LDLRAD3: variants seen among roughly 807,000 people sequenced by gnomAD.
LDLRAD3 encodes the protein low-density lipoprotein receptor class A domain-containing protein 3.
In LDLRAD3, 20 loss-of-function variants were observed where a neutral mutation model predicts 29.4. The ratio of observed to expected loss-of-function variants is 0.68; its 90% CI spans 0.48 to 0.99. The LOEUF (loss-of-function observed/expected upper bound fraction) is 0.99, where lower values mean the gene tolerates loss of function less well. LDLRAD3 is among the 50% of genes least tolerant of loss of function. The pLI, the probability that LDLRAD3 is intolerant of heterozygous loss-of-function variation, is 0.00. For synonymous variants in LDLRAD3, 157 were observed against 192.7 expected (o/e 0.81, Z 1.53); for missense variants, 420 against 454.3 (o/e 0.92, Z 0.69).
At position 36,173,282 on chromosome 11, in the gene LDLRAD3, AC is replaced by A. The variant is rs555455292; in HGVS notation, c.455-53800del. ...TACATGTGCCATGTTGGTGTGCTGC[AC>A]CCATTAACTCGTCATTTACATTAGG... On this transcript the variant is annotated intron_variant, in intron 4 of 5. Transcript: ENST00000315571. Among the ~76,000 whole-genome samples, 385 of 151,098 alleles carry A rather than the reference AC, an allele frequency of 2.5e-3. 2 individuals are homozygous for A. The highest frequency in any genetic ancestry group is 3.7e-3 in the Non-Finnish European group (252 of 67,752).
At chr11:36,189,928 A>G (rs551493582) in intron 4 of LDLRAD3, among the ~76,000 whole-genome samples, 257 of 152,268 alleles carry the variant, frequency 1.7e-3, no homozygotes, top group African/African-American at 5.9e-3. Context: ...TTATGGCTGC[A>G]TAGTATTCCA....
At chr11:36,228,080 G>A (rs1399756506) in intron 5 of LDLRAD3, among the ~76,000 whole-genome samples, 4 of 152,170 alleles carry the variant, frequency 2.6e-5, no homozygotes, top group African/African-American at 9.7e-5. Flanking sequence ...GCAGAGTTCT[G>A]TAGTTGAAGC....
rs187658004 is a variant in LDLRAD3 at position 36,224,278 on chromosome 11, C to T, written c.455-2807C>T. ...CCCAGGACCACCACCATTTCACAGA[C>T]GAGGAGGGTGAGGCTTCTAAGAGTT... On this transcript the variant is annotated intron_variant, in intron 4 of 5. Coordinates refer to ENST00000315571, the MANE Select transcript of LDLRAD3 (RefSeq NM_174902.4). 7.0e-3 allele frequency among the ~76,000 whole-genome samples: 1,070 copies of T among 151,980 alleles called. 4 individuals carry two copies. The highest frequency in any genetic ancestry group is 8.5e-3 in the Non-Finnish European group (581 of 67,986).
intron 1 of LDLRAD3, among the ~76,000 whole-genome samples, chr11:35,994,242 C>T (rs1851723477): frequency 6.9e-6 from 1 of 143,996 alleles, no homozygotes; most frequent in Non-Finnish European, 1.5e-5. Context: ...GAGGCTGAGG[C>T]AGGAGAATGG....
At chr11:36,072,057 G>T (rs1852913966) in intron 2 of LDLRAD3, among the ~76,000 whole-genome samples, 1 of 152,204 alleles carries the variant, frequency 6.6e-6, no homozygotes, top group Non-Finnish European at 1.5e-5. Flanking sequence ...AGCAAGGGTG[G>T]TGATATTGTG....
chr11:36,072,073 G>C (rs1852914242), intron 2 of LDLRAD3, among the ~76,000 whole-genome samples: 1 of 152,196 alleles, frequency 6.6e-6, no homozygotes. Context: ...TTGTGGAACA[G>C]CTCCTCATTC....
Position 36,029,177 on chromosome 11 carries a change from G to A in LDLRAD3, c.47-6926G>A, listed in dbSNP as rs146740825. 1.2e-4 allele frequency among the ~76,000 whole-genome samples: 19 copies of A among 152,218 alleles called. No homozygotes were observed. The East Asian group carries it at 3.5e-3, about 28-fold the overall frequency. Reference sequence around the variant, plus strand: ...GAAGAATCGCTTGAACCCGGGAGGCGGAGGTTGCAGTGAGCCGAGATCGTG... The same window carrying A: ...GAAGAATCGCTTGAACCCGGGAGGCAGAGGTTGCAGTGAGCCGAGATCGTG... On this transcript the variant is annotated intron_variant, in intron 1 of 5. Coordinates refer to ENST00000315571, the MANE Select transcript of LDLRAD3 (RefSeq NM_174902.4).
chr11:36,141,256 T>C (rs892586366), intron 4 of LDLRAD3, among the ~76,000 whole-genome samples: 1 of 152,212 alleles, frequency 6.6e-6, no homozygotes, highest in African/African-American at 2.4e-5. Flanking sequence ...GGTCCTTGGC[T>C]AAGTAGCTTT....
intron 2 of LDLRAD3, among the ~76,000 whole-genome samples, chr11:36,068,494 G>A (rs1469138644): frequency 2.0e-5 from 3 of 152,124 alleles, no homozygotes; most frequent in Non-Finnish European, 2.9e-5. Flanking sequence ...ATTACGTGGT[G>A]GAACTGAGGT....
intron 2 of LDLRAD3, among the ~76,000 whole-genome samples, chr11:36,081,002 A>G (rs79485200): frequency 0.019 from 2,949 of 152,236 alleles, 83 homozygotes; most frequent in African/African-American, 0.065. Flanking sequence ...AGGGGTGTTC[A>G]GTGTAAGTTG....
At chr11:36,192,726 A>G (rs956484968) in intron 4 of LDLRAD3, among the ~76,000 whole-genome samples, 3 of 152,162 alleles carry the variant, frequency 2.0e-5, no homozygotes, top group Admixed American at 1.3e-4. Context: ...CCAAATGCAG[A>G]ATGTGTTACC....
At chr11:36,169,777 G>A (rs1192022406) in intron 4 of LDLRAD3, among the ~76,000 whole-genome samples, 3 of 152,098 alleles carry the variant, frequency 2.0e-5, no homozygotes, top group Admixed American at 6.6e-5. Context: ...GCATCTTTTC[G>A]GTATCCTGAT....
rs575195989 is a variant in LDLRAD3 at position 36,014,351 on chromosome 11, T to C, written c.47-21752T>C. ...GAGCTGTGTACTAAATACAAAGGAATGGTATTACCAGCCTAGGCTTTAATG... is the reference window on the plus strand; with the variant it reads ...GAGCTGTGTACTAAATACAAAGGAACGGTATTACCAGCCTAGGCTTTAATG... On this transcript the variant is annotated intron_variant, in intron 1 of 5. Coordinates refer to ENST00000315571, the MANE Select transcript of LDLRAD3 (RefSeq NM_174902.4). 1.2e-4 allele frequency among the ~76,000 whole-genome samples: 18 copies of C among 152,288 alleles called. No homozygotes were observed. The South Asian group carries it at 3.7e-3, about 32-fold the overall frequency.
At chr11:35,956,859 C>G (rs1309138575) in intron 1 of LDLRAD3, among the ~76,000 whole-genome samples, 1 of 152,022 alleles carries the variant, frequency 6.6e-6, no homozygotes, top group Non-Finnish European at 1.5e-5. Context: ...CCTCAGCCTC[C>G]TGAGTAGCTG....
At chr11:36,134,540 G>T (rs1168342175) in intron 4 of LDLRAD3, among the ~76,000 whole-genome samples, 4 of 152,160 alleles carry the variant, frequency 2.6e-5, no homozygotes, top group African/African-American at 7.2e-5. Context: ...TCTTAACAGT[G>T]GTGTGTGGGA....
intron 2 of LDLRAD3, among the ~76,000 whole-genome samples, chr11:36,068,583 C>G (rs1475801554): frequency 6.6e-6 from 1 of 152,214 alleles, no homozygotes; most frequent in Non-Finnish European, 1.5e-5. Context: ...GTGGCGCAAT[C>G]TCAGCTCACT....
At chr11:36,132,819 C>T (rs190943753) in intron 4 of LDLRAD3, among the ~76,000 whole-genome samples, 3 of 152,156 alleles carry the variant, frequency 2.0e-5, no homozygotes, top group South Asian at 2.1e-4. Flanking sequence ...CGTACTCATG[C>T]GGGGCCGTGT....
intron 1 of LDLRAD3, among the ~76,000 whole-genome samples, chr11:35,948,547 G>GGAGT (rs1318419963): frequency 2.0e-5 from 3 of 152,060 alleles, no homozygotes; most frequent in Non-Finnish European, 4.4e-5. Flanking sequence ...TGGATGCTAA[G>GGAGT]GAGTACCTTG....
At chr11:36,035,317 G>C (rs1291254768) in intron 1 of LDLRAD3, among the ~76,000 whole-genome samples, 1 of 151,990 alleles carries the variant, frequency 6.6e-6, no homozygotes, top group East Asian at 1.9e-4. Flanking sequence ...AGGGTCTACT[G>C]GTAGATGAAC....
Sources: allele counts gnomAD v4.1 joint callset (sites outside exome capture counted in the v4.1 genomes callset), GRCh38; gene constraint gnomAD v4.1.1; transcripts MANE v1.5; gene names NCBI Gene and HGNC (gene_info 2026-07-23, HGNC 2026-07-21).